The following MAP3K7CL variants were observed in gnomAD, a reference collection of about 807,000 sequenced individuals.
The protein encoded by MAP3K7CL is MAP3K7 C-terminal-like protein.
A neutral mutation model predicts 18.6 loss-of-function variants in MAP3K7CL; 16 were observed. The observed-to-expected ratio is 0.86, with a 90% CI of 0.58 to 1.31. The LOEUF (loss-of-function observed/expected upper bound fraction) is 1.31, where lower values mean the gene tolerates loss of function less well. Ranked by LOEUF, MAP3K7CL falls within the 50% of genes most tolerant of loss-of-function variation. The pLI, the probability that MAP3K7CL is intolerant of heterozygous loss-of-function variation, is 0.00. For synonymous variants in MAP3K7CL, 65 were observed against 66.8 expected, an observed-to-expected ratio of 0.97 and a Z score of 0.13; for missense variants, 163 against 174.4, an observed-to-expected ratio of 0.93 and a Z score of 0.37.
intron 4 of MAP3K7CL, among the ~76,000 whole-genome samples, chr21:29,114,804 G>A (rs992490041): frequency 6.6e-6 from 1 of 152,102 alleles, no homozygotes; most frequent in South Asian, 2.1e-4. Flanking sequence ...GGATTAATGG[G>A]AATGTCTACA....
chr21:29,160,092 C>A, intron 4 of MAP3K7CL, 36 bp downstream of exon 4: 1 of 1,549,730 alleles, frequency 6.5e-7, no homozygotes, highest in Non-Finnish European at 8.9e-7. Context: ...CATCTGAGCA[C>A]TGCCTACTGG....
At chr21:29,142,024 ATT>A (rs540625780) in intron 2 of MAP3K7CL, among the ~76,000 whole-genome samples, 1 of 145,806 alleles carries the variant, frequency 6.9e-6, no homozygotes, top group Admixed American at 6.9e-5. Flanking sequence ...GCGTAAGTTA[ATT>A]TTTTTTTTTT....
At chr21:29,087,352 T>C (rs1256815699) in intron 1 of MAP3K7CL, among the ~76,000 whole-genome samples, 4 of 152,196 alleles carry the variant, frequency 2.6e-5, no homozygotes, top group Admixed American at 2.0e-4. Flanking sequence ...AAAAACTCTC[T>C]ATCTCTGCCA....
chr21:29,084,449 G>A (rs891797203), upstream of MAP3K7CL, among the ~76,000 whole-genome samples: 4 of 152,142 alleles, frequency 2.6e-5, no homozygotes, highest in Non-Finnish European at 4.4e-5. Flanking sequence ...GATTAGTAAC[G>A]ATGCTTGATG....
intron 4 of MAP3K7CL, among the ~76,000 whole-genome samples, chr21:29,111,969 C>T (rs1285411351): frequency 1.3e-5 from 2 of 152,164 alleles, no homozygotes; most frequent in African/African-American, 2.4e-5. Context: ...TCCAATCCTC[C>T]ACGTCCTTAA....
chr21:29,157,257 T>C (rs750944100), intron 3 of MAP3K7CL, among the ~76,000 whole-genome samples: 1 of 152,226 alleles, frequency 6.6e-6, no homozygotes, highest in Non-Finnish European at 1.5e-5. Flanking sequence ...AGAAAGTCTG[T>C]ACCCATTAAA....
chr21:29,137,783 T>C (rs1472252653), intron 2 of MAP3K7CL, among the ~76,000 whole-genome samples: 1 of 152,096 alleles, frequency 6.6e-6, no homozygotes, highest in Non-Finnish European at 1.5e-5. Context: ...AGCAATAGAC[T>C]AGGGTTACCA....
At chr21:29,147,615 A>C (rs1789086868) in intron 2 of MAP3K7CL, among the ~76,000 whole-genome samples, 1 of 150,952 alleles carries the variant, frequency 6.6e-6, no homozygotes, top group African/African-American at 2.4e-5. Context: ...TGTGTACTGT[A>C]TATGTATCTG....
intron 1 of MAP3K7CL, among the ~76,000 whole-genome samples, chr21:29,088,687 T>A (rs982882693): frequency 1.3e-5 from 2 of 152,344 alleles, no homozygotes; most frequent in South Asian, 4.1e-4. Context: ...ATGCCCAATC[T>A]ATAAAATGAG....
Position 29,175,019 on chromosome 21 carries a change from A to G in MAP3K7CL, c.*127A>G, listed in dbSNP as rs539266077. The G allele has an allele frequency of 3.3e-6, 3 of 899,272 alleles. No homozygotes were observed. Among genetic ancestry groups the G allele is most frequent in the Admixed American group, 6.4e-5 (2 of 31,126 alleles). 55.7% of individuals were successfully genotyped at this position (899,272 alleles called of 1,614,324 possible). On this transcript the variant is annotated 3_prime_UTR_variant, in exon 5 of 5. Coordinates refer to ENST00000399928, the MANE Select transcript of MAP3K7CL (RefSeq NM_001286620.2). ...TGTATTACCCACATGACAACTGTCT[A>G]TAATGAGTTTACTGCTTGCCAGCTT...
At chr21:29,160,187 G>A in intron 4 of MAP3K7CL, 131 bp downstream of exon 4, 1 of 601,054 alleles carries the variant, frequency 1.7e-6, no homozygotes. Context: ...GATTCAAGTG[G>A]TGCTATTGGA....
Position 29,101,012 on chromosome 21 carries a change from C to T in MAP3K7CL, c.370+8431C>T, listed in dbSNP as rs551768530. 3.3e-5 allele frequency among the ~76,000 whole-genome samples: 5 copies of T among 151,226 alleles called. No homozygotes were observed. In the East Asian group the frequency reaches 7.7e-4, roughly 23 times the overall value. On this transcript the variant is annotated intron_variant, in intron 4 of 6. Transcript: ENST00000286791. ...CAGGCATGAGCCACTGCGCCCGGTC[C>T]CTCTTTTTTTTTTTTTTTAATTAGT...
upstream of MAP3K7CL, among the ~76,000 whole-genome samples, chr21:29,129,647 G>C (rs749995454): frequency 4.6e-5 from 7 of 152,170 alleles, no homozygotes; most frequent in Non-Finnish European, 1.0e-4. Context: ...CTGTATGCAG[G>C]CTTTTGGGGA....
intron 2 of MAP3K7CL, among the ~76,000 whole-genome samples, chr21:29,147,678 TTGTATA>T (rs1291678364): frequency 6.6e-6 from 1 of 151,854 alleles, no homozygotes; most frequent in Non-Finnish European, 1.5e-5. Flanking sequence ...ACTGTCTCTA[TTGTATA>T]TGTATGTGTA....
At chr21:29,122,451 C>T (rs181643922) in intron 4 of MAP3K7CL, among the ~76,000 whole-genome samples, 134 of 152,222 alleles carry the variant, frequency 8.8e-4, no homozygotes, top group Admixed American at 3.5e-3. Context: ...TCAGGTTGCA[C>T]GAACGAATTG....
At chr21:29,171,828 A>C (rs1006943241) in intron 4 of MAP3K7CL, among the ~76,000 whole-genome samples, 8 of 143,778 alleles carry the variant, frequency 5.6e-5, no homozygotes, top group Non-Finnish European at 9.1e-5. Context: ...AAAAAAAAAA[A>C]ACAACACTCC....
upstream of MAP3K7CL, among the ~76,000 whole-genome samples, chr21:29,081,493 C>T (rs911471269): frequency 6.6e-6 from 1 of 152,154 alleles, no homozygotes; most frequent in Non-Finnish European, 1.5e-5. Flanking sequence ...GCGGAGTTGG[C>T]AGTGAGCCGA....
At chr21:29,120,063 C>T (rs912302359) in intron 4 of MAP3K7CL, among the ~76,000 whole-genome samples, 1 of 152,150 alleles carries the variant, frequency 6.6e-6, no homozygotes, top group Non-Finnish European at 1.5e-5. Context: ...CCATTTCCTA[C>T]TGGTTTCCAG....
intron 4 of MAP3K7CL, among the ~76,000 whole-genome samples, chr21:29,172,241 C>CTTTT (rs35612617): frequency 6.6e-4 from 83 of 126,166 alleles, no homozygotes; most frequent in Non-Finnish European, 1.1e-3. Context: ...TTGTCATTTT[C>CTTTT]TTTTTTTTTT....
Sources: allele counts gnomAD v4.1 joint callset (sites outside exome capture counted in the v4.1 genomes callset), GRCh38; gene constraint gnomAD v4.1.1; transcripts MANE v1.5; gene names NCBI Gene and HGNC (gene_info 2026-07-23, HGNC 2026-07-21).